The following SLIT2 variants were observed in gnomAD, a reference collection of about 807,000 sequenced individuals.
The protein encoded by SLIT2 is slit guidance ligand 2.
Under a neutral mutation model 185.7 loss-of-function variants are expected in SLIT2, and 41 were observed. The observed-to-expected ratio is 0.22, with a 90% CI of 0.17 to 0.29. SLIT2 has a LOEUF of 0.29. Ranked by LOEUF, SLIT2 falls within the 10% of genes least tolerant of loss-of-function variation. The pLI is 1.00. For missense variants in SLIT2, 1,571 were observed against 1,909.0 expected, an observed-to-expected ratio of 0.82 and a Z score of 3.30; for synonymous variants, 693 against 680.2, an observed-to-expected ratio of 1.02 and a Z score of -0.29.
At chr4:20,469,226 C>T (rs1271928389) in intron 5 of SLIT2, among the ~76,000 whole-genome samples, 2 of 152,104 alleles carry the variant, frequency 1.3e-5, no homozygotes, top group East Asian at 3.9e-4. Flanking sequence ...CTTAAGTTGC[C>T]TTCACTTAGC....
In SLIT2 at chr4:20,610,017, G is replaced by A. The variant is rs369351980; in HGVS notation, c.3697G>A (p.Glu1233Lys). ...CCATTTTTTTTTCCGTTGTAGTGTGGAGACAATCAATGATGGAAACTTCCA... is the reference window on the plus strand; with the variant it reads ...CCATTTTTTTTTCCGTTGTAGTGTGAAGACAATCAATGATGGAAACTTCCA... Reference protein sequence around the residue: ...SHPASAIYSVETINDGNFHIV... With the variant: ...SHPASAIYSVKTINDGNFHIV... Residue 1233 changes from glutamate (E) to lysine (K), a missense_variant, in exon 34 of 37, where the codon GAG becomes AAG. Coordinates refer to ENST00000504154, the MANE Select transcript of SLIT2 (RefSeq NM_004787.4). 1 of 1,611,760 alleles carries A rather than the reference G, an allele frequency of 6.2e-7. No homozygotes were observed. Among genetic ancestry groups the A allele is most frequent in the Admixed American group, 1.7e-5 (1 of 59,662 alleles).
intron 4 of SLIT2, among the ~76,000 whole-genome samples, chr4:20,388,896 A>G (rs1397336056): frequency 1.4e-5 from 2 of 146,662 alleles, no homozygotes; most frequent in African/African-American, 2.5e-5. Context: ...AACATAATAT[A>G]TATAATATAT....
At chr4:20,525,471 A>T (rs1472121960) in intron 15 of SLIT2, among the ~76,000 whole-genome samples, 1 of 151,946 alleles carries the variant, frequency 6.6e-6, no homozygotes, top group Non-Finnish European at 1.5e-5. Flanking sequence ...TACTTAAATC[A>T]TTTTCTCTCC....
intron 4 of SLIT2, among the ~76,000 whole-genome samples, chr4:20,341,191 T>A (rs1720933987): frequency 6.6e-6 from 1 of 152,214 alleles, no homozygotes; most frequent in African/African-American, 2.4e-5. Context: ...AAGGGGTCAC[T>A]GGCCTTCTGC....
Position 20,610,001 on chromosome 4 carries a change from T to C in SLIT2, c.3693-12T>C. 1.3e-6 allele frequency: 2 copies of C among 1,581,866 alleles called. No individual in the cohort carries two copies. The highest frequency in any genetic ancestry group is 1.7e-6 in the Non-Finnish European group (2 of 1,166,862). On this transcript the variant is annotated splice_polypyrimidine_tract_variant and intron_variant, in intron 33 of 36. Transcript: ENST00000504154. ...AAAATGGAAGAATCAGCCATTTTTT[T>C]TTCCGTTGTAGTGTGGAGACAATCA...
chr4:20,600,551 T>C (rs992864473), intron 33 of SLIT2, among the ~76,000 whole-genome samples: 9 of 151,280 alleles, frequency 5.9e-5, no homozygotes, highest in Non-Finnish European at 1.2e-4. Flanking sequence ...GCCTCCCAAG[T>C]AGCTGGGACT....
At position 20,595,828 on chromosome 4, in the gene SLIT2, G is replaced by A. The variant is rs1396925393; in HGVS notation, c.3314G>A (p.Gly1105Asp). Residue 1105 changes from glycine (G) to aspartate (D), a missense_variant, in exon 31 of 37, where the codon GGT becomes GAT. Transcript: ENST00000504154. Reference protein sequence around the residue: ...VNGYTCICPEGYSGLFCEFSP... With the variant: ...VNGYTCICPEDYSGLFCEFSP... The stretch of plus-strand genomic sequence containing the variant: ...GGCTATACGTGCATATGCCCCGAAG[G>A]TTACAGGTAAAAGCAGAAATGAATA... 1.9e-6 allele frequency: 3 copies of A among 1,613,408 alleles called. No individual in the cohort carries two copies. The highest frequency in any genetic ancestry group is 1.7e-6 in the Non-Finnish European group (2 of 1,179,444).
At chr4:20,376,292 A>G (rs1724014709) in intron 4 of SLIT2, among the ~76,000 whole-genome samples, 1 of 151,878 alleles carries the variant, frequency 6.6e-6, no homozygotes, top group Non-Finnish European at 1.5e-5. Context: ...AAGGCAAATG[A>G]CATTTCAGTA....
chr4:20,420,767 G>T (rs35987086), intron 4 of SLIT2, among the ~76,000 whole-genome samples: 25,003 of 152,008 alleles, frequency 0.16, 2,629 homozygotes, highest in East Asian at 0.41. Flanking sequence ...GTACTTGGGA[G>T]GCAATTTGAT....
At chr4:20,561,127 A>C (rs905864693) in intron 26 of SLIT2, among the ~76,000 whole-genome samples, 1 of 151,832 alleles carries the variant, frequency 6.6e-6, no homozygotes, top group Non-Finnish European at 1.5e-5. Context: ...AGAGGGGAGG[A>C]GGCCCAAAAG....
At chr4:20,342,922 T>G (rs1430154162) in intron 4 of SLIT2, among the ~76,000 whole-genome samples, 1 of 151,922 alleles carries the variant, frequency 6.6e-6, no homozygotes, top group Non-Finnish European at 1.5e-5. Context: ...CTTTTCTTTC[T>G]TTTTTTCTTT....
chr4:20,359,115 T>C (rs750841121), intron 4 of SLIT2, among the ~76,000 whole-genome samples: 1 of 152,150 alleles, frequency 6.6e-6, no homozygotes, highest in Non-Finnish European at 1.5e-5. Flanking sequence ...ACCCAACACA[T>C]ATCCCAATTA....
At chr4:20,258,454 T>C (rs901744449) in intron 3 of SLIT2, among the ~76,000 whole-genome samples, 3 of 151,844 alleles carry the variant, frequency 2.0e-5, no homozygotes, top group African/African-American at 7.2e-5. Flanking sequence ...CTTTTCAGTT[T>C]TATTTTATTT....
chr4:20,412,084 T>C (rs1291406994), intron 4 of SLIT2, among the ~76,000 whole-genome samples: 5 of 152,156 alleles, frequency 3.3e-5, no homozygotes, highest in Admixed American at 1.3e-4. Flanking sequence ...AGGGTTATTA[T>C]GACTCAGACC....
intron 4 of SLIT2, among the ~76,000 whole-genome samples, chr4:20,317,600 A>T (rs1200645843): frequency 6.6e-6 from 1 of 151,940 alleles, no homozygotes; most frequent in Non-Finnish European, 1.5e-5. Flanking sequence ...TGTCTGTAAA[A>T]TGGGATTTAA....
intron 4 of SLIT2, among the ~76,000 whole-genome samples, chr4:20,418,843 GAAAAC>G (rs1727919973): frequency 6.6e-6 from 1 of 152,064 alleles, no homozygotes; most frequent in East Asian, 1.9e-4. Flanking sequence ...TTAAAAGAGA[GAAAAC>G]AAATGTGAAA....
intron 5 of SLIT2, among the ~76,000 whole-genome samples, chr4:20,478,598 A>C (rs555754587): frequency 1.8e-4 from 27 of 152,302 alleles, no homozygotes; most frequent in African/African-American, 5.8e-4. Flanking sequence ...TTATACATTG[A>C]CAGCTAAGGA....
chr4:20,262,745 G>A (rs1442821850), intron 3 of SLIT2, among the ~76,000 whole-genome samples: 8 of 151,808 alleles, frequency 5.3e-5, no homozygotes, highest in Admixed American at 1.3e-4. Context: ...TCACCTATTC[G>A]TAAGCAATGT....
chr4:20,524,212 A>G, intron 14 of SLIT2, 35 bp downstream of exon 14: 1 of 1,602,588 alleles, frequency 6.2e-7, no homozygotes, highest in Non-Finnish European at 8.5e-7. Context: ...CCTGTGACCA[A>G]CAACAATGGT....
Sources: gnomAD v4.1 joint callset for allele counts (sites outside exome capture counted in the v4.1 genomes callset) on GRCh38, gnomAD v4.1.1 for gene constraint, MANE v1.5 for transcripts, NCBI Gene and HGNC (gene_info 2026-07-23, HGNC 2026-07-21) for gene names.